The following SIK3 variants were observed in gnomAD, a reference collection of about 807,000 sequenced individuals.
The protein encoded by SIK3 is serine/threonine-protein kinase SIK3.
Under a neutral mutation model 144.2 loss-of-function variants are expected in SIK3, and 28 were observed. The observed-to-expected ratio is 0.19, with a 90% confidence interval of 0.14 to 0.27. SIK3 has a LOEUF of 0.27. Among genes scored for constraint, SIK3 ranks in the 10% least tolerant of loss-of-function variants. SIK3 has a pLI of 1.00. For synonymous variants in SIK3, 686 were observed against 676.3 expected (o/e 1.01, Z -0.22); for missense variants, 1,319 against 1,776.0 (o/e 0.74, Z 4.62).
At chr11:116,942,660 T>C (rs564046593) in intron 3 of SIK3, among the ~76,000 whole-genome samples, 2 of 152,046 alleles carry the variant, frequency 1.3e-5, no homozygotes, top group Non-Finnish European at 2.9e-5. Context: ...CATGTGGATA[T>C]GTAGGAAAAG....
chr11:117,022,754 AC>A (rs1467953389), intron 1 of SIK3, among the ~76,000 whole-genome samples: 1 of 152,094 alleles, frequency 6.6e-6, no homozygotes, highest in African/African-American at 2.4e-5. Context: ...TTATAACCAC[AC>A]GGCCTAAATT....
intron 4 of SIK3, among the ~76,000 whole-genome samples, chr11:116,924,444 TTTTTG>T (rs142743225): frequency 2.6e-5 from 4 of 152,206 alleles, no homozygotes; most frequent in Non-Finnish European, 4.4e-5. Context: ...GAAGGCCTTC[TTTTTG>T]TTTTGTTTTG....
At chr11:116,959,800 C>T (rs1949276276) in intron 1 of SIK3, among the ~76,000 whole-genome samples, 1 of 152,182 alleles carries the variant, frequency 6.6e-6, no homozygotes, top group African/African-American at 2.4e-5. Context: ...ATATTTTCAA[C>T]TTATAATGGG....
At chr11:117,091,594 A>G (rs1955251009) in intron 1 of SIK3, among the ~76,000 whole-genome samples, 1 of 152,192 alleles carries the variant, frequency 6.6e-6, no homozygotes, top group Non-Finnish European at 1.5e-5. Flanking sequence ...GGTCTTTTTC[A>G]TGCCCAATAA....
At chr11:117,069,196 GGT>G (rs1315094946) in intron 1 of SIK3, among the ~76,000 whole-genome samples, 44 of 127,744 alleles carry the variant, frequency 3.4e-4, no homozygotes, top group African/African-American at 5.6e-4. Context: ...GGGGGGGGGG[GGT>G]TTGTTGTTGT....
intron 3 of SIK3, among the ~76,000 whole-genome samples, chr11:116,940,125 G>A (rs1948205151): frequency 6.6e-6 from 1 of 152,100 alleles, no homozygotes; most frequent in African/African-American, 2.4e-5. Context: ...TATAGAAGCT[G>A]GGCTGTTTGT....
intron 1 of SIK3, among the ~76,000 whole-genome samples, chr11:117,005,816 A>T (rs980528909): frequency 6.6e-6 from 1 of 152,200 alleles, no homozygotes; most frequent in Non-Finnish European, 1.5e-5. Flanking sequence ...AGAAAGAGGC[A>T]GGATATCCAG....
chr11:117,090,543 T>A (rs780918669), intron 1 of SIK3, among the ~76,000 whole-genome samples: 10 of 152,356 alleles, frequency 6.6e-5, no homozygotes, highest in Non-Finnish European at 1.3e-4. Context: ...GGAGCCCATC[T>A]AAGAAACATA....
At chr11:116,953,797 T>TC (rs1224554187) in intron 3 of SIK3, among the ~76,000 whole-genome samples, 1 of 152,188 alleles carries the variant, frequency 6.6e-6, no homozygotes, top group Non-Finnish European at 1.5e-5. Context: ...TTTTTGGAGA[T>TC]CTTTAATCTC....
chr11:116,972,703 T>C (rs1475816403), intron 1 of SIK3, among the ~76,000 whole-genome samples: 1 of 152,046 alleles, frequency 6.6e-6, no homozygotes, highest in Non-Finnish European at 1.5e-5. Flanking sequence ...ACACCTACTA[T>C]GTACCCTCAA....
chr11:116,861,048 G>A (rs1943294804), intron 19 of SIK3, among the ~76,000 whole-genome samples: 1 of 152,188 alleles, frequency 6.6e-6, no homozygotes, highest in Non-Finnish European at 1.5e-5. Context: ...CTTTAGAGCA[G>A]TGTGAAATGG....
intron 1 of SIK3, among the ~76,000 whole-genome samples, chr11:116,983,081 G>C (rs1415082233): frequency 6.6e-6 from 1 of 151,338 alleles, no homozygotes; most frequent in African/African-American, 2.4e-5. Context: ...TAAAAAATTA[G>C]CCGGGCGTGG....
At chr11:117,093,850 C>A (rs977558876) in intron 1 of SIK3, among the ~76,000 whole-genome samples, 7 of 151,930 alleles carry the variant, frequency 4.6e-5, no homozygotes, top group African/African-American at 1.7e-4. Context: ...TCTACCTACA[C>A]AAAACTAATG....
At chr11:116,941,356 G>T (rs1218648615) in intron 3 of SIK3, among the ~76,000 whole-genome samples, 1 of 151,004 alleles carries the variant, frequency 6.6e-6, no homozygotes, top group Non-Finnish European at 1.5e-5. Context: ...GTGGGAAAAT[G>T]GTAGTTTAGT....
At chr11:116,904,637 G>C (rs1399666675) in intron 4 of SIK3, 2 of 152,088 alleles carry the variant, frequency 1.3e-5, no homozygotes, top group Non-Finnish European at 2.9e-5. Flanking sequence ...TTGAGATAAG[G>C]AATACGAAAT....
intron 4 of SIK3, among the ~76,000 whole-genome samples, chr11:116,902,277 C>A (rs1945774368): frequency 6.6e-6 from 1 of 152,200 alleles, no homozygotes; most frequent in Admixed American, 6.5e-5. Flanking sequence ...AATGTACAGA[C>A]TTCTCATTTT....
intron 1 of SIK3, among the ~76,000 whole-genome samples, chr11:117,008,962 C>T (rs1011246131): frequency 2.0e-5 from 3 of 152,024 alleles, no homozygotes; most frequent in Non-Finnish European, 2.9e-5. Flanking sequence ...TAGCCAGGTG[C>T]GGTGGCTCAC....
chr11:116,878,436 A>C (rs1174625436), intron 6 of SIK3, among the ~76,000 whole-genome samples: 1 of 148,224 alleles, frequency 6.7e-6, no homozygotes, highest in East Asian at 2.0e-4. Flanking sequence ...TGTGGAGTGC[A>C]GTGTGCGATC....
At chr11:116,897,164 G>A in intron 5 of SIK3, 29 bp downstream of exon 5, 1 of 1,609,378 alleles carries the variant, frequency 6.2e-7, no homozygotes, top group South Asian at 1.1e-5. Context: ...AGCTAATGCT[G>A]TGGGGTATAA....
Sources: allele counts gnomAD v4.1 joint callset (sites outside exome capture counted in the v4.1 genomes callset), GRCh38; gene constraint gnomAD v4.1.1; transcripts MANE v1.5; gene names NCBI Gene and HGNC (gene_info 2026-07-23, HGNC 2026-07-21).